The following RIN2 variants were observed in gnomAD, a reference collection of about 807,000 sequenced individuals.
RIN2 encodes the protein Ras and Rab interactor 2.
RIN2 carries 36 observed loss-of-function variants against 78.0 expected under a neutral mutation model. The observed-to-expected ratio is 0.46, with a 90% confidence interval of 0.35 to 0.61. RIN2 has a LOEUF of 0.61. Among genes scored for constraint, RIN2 ranks in the 20% least tolerant of loss-of-function variants. The pLI, the probability that RIN2 is intolerant of heterozygous loss-of-function variation, is 0.00. For synonymous variants in RIN2, 466 were observed against 466.8 expected, an observed-to-expected ratio of 1.00 and a Z score of 0.02; for missense variants, 1,087 against 1,159.7, an observed-to-expected ratio of 0.94 and a Z score of 0.91.
At position 19,935,022 on chromosome 20, in the gene RIN2, G is replaced by A; in HGVS notation, c.58-77G>A. 8.7e-6 allele frequency: 9 copies of A among 1,033,084 alleles called. No individual in the cohort carries two copies. In the South Asian group the frequency reaches 1.2e-4, roughly 14 times the overall value. 64.0% of individuals were successfully genotyped at this position (1,033,084 alleles called of 1,614,324 possible). On this transcript the variant is annotated intron_variant, in intron 3 of 12. Coordinates refer to ENST00000255006, the MANE Select transcript of RIN2 (RefSeq NM_018993.4). ...TGGTCATCTCTGTTCCTATTGAAAA[G>A]CCTGAGTTCCCCGGGCGCTGTGGGC...
intron 1 of RIN2, among the ~76,000 whole-genome samples, chr20:19,794,466 A>T (rs1263297188): frequency 7.1e-6 from 1 of 140,038 alleles, no homozygotes; most frequent in Non-Finnish European, 1.5e-5. Flanking sequence ...CAGGAGGTGG[A>T]GGTTGCCTTG....
intron 3 of RIN2, among the ~76,000 whole-genome samples, chr20:19,932,232 G>A (rs570803841): frequency 6.6e-6 from 1 of 152,260 alleles, no homozygotes; most frequent in East Asian, 1.9e-4. Context: ...AATGAGCTTG[G>A]CCGATTTCCT....
chr20:19,926,528 A>G (rs2040229435), intron 3 of RIN2, among the ~76,000 whole-genome samples: 1 of 151,946 alleles, frequency 6.6e-6, no homozygotes, highest in Admixed American at 6.6e-5. Context: ...CCCCAACATG[A>G]GAGGTACCCA....
chr20:19,844,698 C>CTTCTTCTTCTTCTTCTTCTTCT (rs2036720210), intron 2 of RIN2, among the ~76,000 whole-genome samples: 26 of 26,356 alleles, frequency 9.9e-4, no homozygotes, highest in African/African-American at 2.9e-3. Context: ...CTTCCTCTTC[C>CTTCTTCTTCTTCTTCTTCTTCT]TCTTCTTCTT....
At chr20:19,938,582 C>T (rs2040741701) in intron 4 of RIN2, among the ~76,000 whole-genome samples, 1 of 152,094 alleles carries the variant, frequency 6.6e-6, no homozygotes, top group South Asian at 2.1e-4. Flanking sequence ...TAACTTTGTA[C>T]AAGGTACTTT....
intron 3 of RIN2, among the ~76,000 whole-genome samples, chr20:19,909,889 A>G (rs1481892271): frequency 1.3e-5 from 2 of 152,142 alleles, no homozygotes; most frequent in Admixed American, 1.3e-4. Flanking sequence ...AATGGGGACC[A>G]TGATGCGGCC....
intron 3 of RIN2, among the ~76,000 whole-genome samples, chr20:19,929,828 A>G (rs2040370882): frequency 6.6e-6 from 1 of 152,206 alleles, no homozygotes; most frequent in Non-Finnish European, 1.5e-5. Flanking sequence ...CAAATAAATC[A>G]ACACAAACTT....
intron 1 of RIN2, among the ~76,000 whole-genome samples, chr20:19,761,762 T>A (rs1362886958): frequency 6.6e-6 from 1 of 152,186 alleles, no homozygotes; most frequent in Admixed American, 6.5e-5. Flanking sequence ...CTTCCATGCA[T>A]CCGATTAATA....
chr20:19,904,120 C>T (rs6046444), intron 3 of RIN2, among the ~76,000 whole-genome samples: 103,630 of 151,460 alleles, frequency 0.68, 35,682 homozygotes, highest in East Asian at 0.83. Flanking sequence ...TAATCCCAGC[C>T]ACTCGGGAGG....
In RIN2 at chr20:19,996,821, C is replaced by T; in HGVS notation, c.2343C>T (p.Ile781=). ...WHKRRTTNRT[I]PSVDDFQNYL... is the part of the protein sequence containing the mutation. ...AACGGAGAACCACCAACCGGACCAT[C>T]CCCTCTGTGGACGACTTCCAGGTGT... The change falls in exon 12 of 13, where the codon ATC becomes ATT. Residue 781 remains isoleucine, a synonymous_variant. Transcript: ENST00000255006. The T allele has an allele frequency of 1.9e-6, 3 of 1,600,560 alleles. No homozygotes were observed. The highest frequency in any genetic ancestry group is 1.1e-5 in the South Asian group (1 of 89,012).
chr20:19,992,097 A>G (rs2042814110), intron 10 of RIN2, 71 bp from the exon 11 acceptor site: 4 of 1,534,504 alleles, frequency 2.6e-6, no homozygotes, highest in African/African-American at 1.4e-5. Context: ...GTCTAATAAA[A>G]GCAGCAAGAA....
chr20:19,964,875 C>T lies in RIN2; in HGVS notation c.464-77C>T. On this transcript the variant is annotated intron_variant, in intron 6 of 12. Transcript: ENST00000255006. ...TTGAGAGTACTCAGATGGTCCCACA[C>T]ACATGGTGTTAGGGGCTCTTCCTGT... 3.3e-6 allele frequency: 4 copies of T among 1,227,670 alleles called. No individual in the cohort carries two copies. In the South Asian group the frequency reaches 4.8e-5, roughly 15 times the overall value. The allele number at this position is 1,227,670 out of a possible 1,614,324, so 76.0% of individuals were successfully genotyped here. A position where few individuals can be genotyped will look rare whatever the true frequency, so the allele number is the denominator to read the frequency against.
At chr20:19,956,031 C>G (rs567926776) in intron 4 of RIN2, among the ~76,000 whole-genome samples, 1 of 152,056 alleles carries the variant, frequency 6.6e-6, no homozygotes, top group Non-Finnish European at 1.5e-5. Flanking sequence ...CCGAGGTAGG[C>G]GGATCACCTG....
intron 3 of RIN2, among the ~76,000 whole-genome samples, chr20:19,895,579 C>T (rs1395745605): frequency 6.6e-6 from 1 of 152,168 alleles, no homozygotes; most frequent in Non-Finnish European, 1.5e-5. Flanking sequence ...GCCTCAAAAC[C>T]ACTCATGCTG....
chr20:19,908,905 C>T (rs914082394), intron 3 of RIN2, among the ~76,000 whole-genome samples: 2 of 152,210 alleles, frequency 1.3e-5, no homozygotes, highest in African/African-American at 2.4e-5. Context: ...GCTCCTGTTG[C>T]CCAGGCTGGA....
chr20:19,793,266 T>G (rs1186713586), intron 1 of RIN2, among the ~76,000 whole-genome samples: 2 of 152,236 alleles, frequency 1.3e-5, no homozygotes, highest in East Asian at 1.9e-4. Flanking sequence ...TTTAAAATTT[T>G]TTTGTATTAA....
chr20:19,802,462 A>C (rs1374228060), intron 2 of RIN2, among the ~76,000 whole-genome samples: 3 of 132,302 alleles, frequency 2.3e-5, no homozygotes, highest in African/African-American at 1.1e-4. Context: ...TCTCTACAAA[A>C]AGTTTCTTTA....
intron 8 of RIN2, among the ~76,000 whole-genome samples, chr20:19,972,063 T>C (rs1332419115): frequency 6.6e-6 from 1 of 152,156 alleles, no homozygotes; most frequent in Non-Finnish European, 1.5e-5. Context: ...ATTGTATCTG[T>C]AGAAGGATTG....
At chr20:19,905,877 TATTC>T (rs1600753469) in intron 3 of RIN2, among the ~76,000 whole-genome samples, 2 of 152,370 alleles carry the variant, frequency 1.3e-5, no homozygotes. Context: ...ATTCCTAAAA[TATTC>T]ATTCTCTGGC....
Sources: gnomAD v4.1 joint callset for allele counts (sites outside exome capture counted in the v4.1 genomes callset) on GRCh38, gnomAD v4.1.1 for gene constraint, MANE v1.5 for transcripts, NCBI Gene and HGNC (gene_info 2026-07-23, HGNC 2026-07-21) for gene names.